The following MAML3 variants were observed in gnomAD, a reference collection of about 807,000 sequenced individuals.
MAML3 encodes mastermind like transcriptional coactivator 3.
Under a neutral mutation model 101.9 loss-of-function variants are expected in MAML3, and 27 were observed. The observed-to-expected ratio is 0.27, with a 90% CI of 0.20 to 0.37. MAML3 has a LOEUF of 0.37. Ranked by LOEUF, MAML3 falls within the 10% of genes least tolerant of loss-of-function variation. MAML3 has a pLI of 1.00. For missense variants in MAML3, 1,316 were observed against 1,444.9 expected (o/e 0.91, Z 1.45); for synonymous variants, 501 against 555.9 (o/e 0.90, Z 1.39).
At chr4:140,087,215 A>G (rs1241937000) in intron 1 of MAML3, among the ~76,000 whole-genome samples, 5 of 152,158 alleles carry the variant, frequency 3.3e-5, no homozygotes, top group Non-Finnish European at 7.4e-5. Context: ...GAAATTTTCT[A>G]TTTTTTGTGT....
chr4:140,004,899 T>C (rs1045563862), intron 1 of MAML3, among the ~76,000 whole-genome samples: 6 of 152,138 alleles, frequency 3.9e-5, no homozygotes, highest in South Asian at 4.1e-4. Context: ...TCCCCAGATA[T>C]AGCTGTATTT....
chr4:140,139,602 G>A (rs1728949641), intron 1 of MAML3, among the ~76,000 whole-genome samples: 1 of 152,110 alleles, frequency 6.6e-6, no homozygotes, highest in Admixed American at 6.5e-5. Context: ...ATCATCTCCG[G>A]ACTCTTTCAA....
In MAML3 at chr4:139,955,466, G is replaced by A. The variant is rs1733900184; in HGVS notation, c.469-64499C>T. Among the ~76,000 whole-genome samples the A allele has an allele frequency of 2.0e-5, 3 of 152,194 alleles. No individual in the cohort carries two copies. The South Asian group carries it at 6.2e-4, about 32-fold the overall frequency. On this transcript the variant is annotated intron_variant, in intron 1 of 4. Transcript: ENST00000509479. ...AAAAGGTCAGGTCCAAAAAGGATAAGGTGAACATGATCTACTGTGATTACA... is the reference window on the plus strand; with the variant it reads ...AAAAGGTCAGGTCCAAAAAGGATAAAGTGAACATGATCTACTGTGATTACA...
intron 2 of MAML3, among the ~76,000 whole-genome samples, chr4:139,739,854 T>G (rs1324327701): frequency 2.0e-5 from 3 of 152,044 alleles, no homozygotes; most frequent in Non-Finnish European, 4.4e-5. Flanking sequence ...ACTTTTAGTA[T>G]TATTTTTAAA....
intron 2 of MAML3, among the ~76,000 whole-genome samples, chr4:139,796,708 C>T (rs963627613): frequency 6.6e-6 from 1 of 152,118 alleles, no homozygotes; most frequent in Admixed American, 6.5e-5. Context: ...TATAATGAAC[C>T]ATGAGGTAGA....
At chr4:139,963,764 T>C (rs562680001) in intron 1 of MAML3, among the ~76,000 whole-genome samples, 1 of 152,356 alleles carries the variant, frequency 6.6e-6, no homozygotes, top group African/African-American at 2.4e-5. Context: ...TGTTTCCTCA[T>C]ACCTCAAATT....
Position 140,021,355 on chromosome 4 carries a change from G to T in MAML3, c.469-130388C>A, listed in dbSNP as rs577788066. ...TAGGGCTGGAAAAAAAGAATGATTT[G>T]CTGGAAGTACTTCAGCAGCATAACC... is the stretch of plus-strand genomic sequence containing the variant. On this transcript the variant is annotated intron_variant, in intron 1 of 4. Coordinates refer to ENST00000509479, the MANE Select transcript of MAML3 (RefSeq NM_018717.5). 3.2e-3 allele frequency among the ~76,000 whole-genome samples: 480 copies of T among 152,206 alleles called. 2 individuals are homozygous for T. The highest frequency in any genetic ancestry group is 0.011 in the African/African-American group (458 of 41,544).
chr4:140,088,873 T>C (rs1284522940), intron 1 of MAML3, among the ~76,000 whole-genome samples: 1 of 152,224 alleles, frequency 6.6e-6, no homozygotes, highest in African/African-American at 2.4e-5. Context: ...ATCTTAATTG[T>C]ATCTCCCACA....
At chr4:139,946,086 C>T (rs530568638) in intron 1 of MAML3, among the ~76,000 whole-genome samples, 11 of 152,322 alleles carry the variant, frequency 7.2e-5, no homozygotes, top group South Asian at 2.1e-4. Flanking sequence ...ACCTTGTGAA[C>T]GCTATCGCCC....
At chr4:139,834,491 C>T (rs1013402213) in intron 2 of MAML3, among the ~76,000 whole-genome samples, 5 of 152,220 alleles carry the variant, frequency 3.3e-5, no homozygotes. Context: ...CTCTGTAAGA[C>T]AGCGCTTCTT....
chr4:139,964,582 A>T (rs1000324689), intron 1 of MAML3, among the ~76,000 whole-genome samples: 8 of 151,988 alleles, frequency 5.3e-5, no homozygotes, highest in African/African-American at 1.2e-4. Context: ...AACAAAAATT[A>T]AAAAAAACCA....
At chr4:140,110,903 T>C (rs1728429259) in intron 1 of MAML3, among the ~76,000 whole-genome samples, 2 of 152,274 alleles carry the variant, frequency 1.3e-5, no homozygotes, top group South Asian at 4.2e-4. Context: ...AATAAGCAAT[T>C]TCATATGATG....
intron 1 of MAML3, among the ~76,000 whole-genome samples, chr4:139,935,555 G>T (rs1733490356): frequency 6.6e-6 from 1 of 151,404 alleles, no homozygotes; most frequent in Non-Finnish European, 1.5e-5. Flanking sequence ...CAAATATTGG[G>T]GTTCTTTCTT....
At chr4:139,759,262 G>A (rs1235389327) in intron 2 of MAML3, among the ~76,000 whole-genome samples, 1 of 152,184 alleles carries the variant, frequency 6.6e-6, no homozygotes, top group African/African-American at 2.4e-5. Flanking sequence ...TACTCCCCCA[G>A]GGAAATAACA....
At chr4:140,000,841 C>G (rs927847058) in intron 1 of MAML3, among the ~76,000 whole-genome samples, 1 of 151,952 alleles carries the variant, frequency 6.6e-6, no homozygotes, top group Non-Finnish European at 1.5e-5. Context: ...CAGCCTGACC[C>G]ACATGGAGAA....
At chr4:139,844,465 T>G (rs1248725955) in intron 2 of MAML3, among the ~76,000 whole-genome samples, 1 of 152,166 alleles carries the variant, frequency 6.6e-6, no homozygotes, top group Non-Finnish European at 1.5e-5. Context: ...GAGTTAACAA[T>G]ACCAAGCAAG....
At position 139,790,379 on chromosome 4, in the gene MAML3, T is replaced by C. The variant is rs554660904; in HGVS notation, c.2080-59712A>G. On this transcript the variant is annotated intron_variant, in intron 2 of 4. Transcript: ENST00000509479. ...CTTTATGTACAGAACAAACCACTTTTTTTCATTGTAGAAAACATACATAAC... is the reference window on the plus strand; with the variant it reads ...CTTTATGTACAGAACAAACCACTTTCTTTCATTGTAGAAAACATACATAAC... Among the ~76,000 whole-genome samples, 6 of 151,406 alleles carry C rather than the reference T, an allele frequency of 4.0e-5. No individual in the cohort carries two copies. The East Asian group carries it at 1.2e-3, about 29-fold the overall frequency.
rs151232705 is a variant in MAML3 at position 139,824,196 on chromosome 4, C to T, written c.2079+65161G>A. On this transcript the variant is annotated intron_variant, in intron 2 of 4. Transcript: ENST00000509479. ...CAGGGTATGGTTCTGATCTATGATT[C>T]GAGAATATTCAAGGTTTTTGTTATA... Among the ~76,000 whole-genome samples, 9 of 152,232 alleles carry T rather than the reference C, an allele frequency of 5.9e-5. No individual in the cohort carries two copies. The East Asian group carries it at 1.3e-3, about 23-fold the overall frequency.
chr4:139,864,457 T>C (rs894885370), intron 2 of MAML3, among the ~76,000 whole-genome samples: 68 of 152,146 alleles, frequency 4.5e-4, no homozygotes, highest in African/African-American at 1.6e-3. Context: ...GGTGGGCAGA[T>C]CACGAGGTCA....
Sources: allele counts gnomAD v4.1 joint callset (sites outside exome capture counted in the v4.1 genomes callset), GRCh38; gene constraint gnomAD v4.1.1; transcripts MANE v1.5; gene names NCBI Gene and HGNC (gene_info 2026-07-23, HGNC 2026-07-21).